The following RNF38 variants were observed in gnomAD, a reference collection of about 807,000 sequenced individuals.
RNF38 encodes E3 ubiquitin-protein ligase RNF38.
A neutral mutation model predicts 67.2 loss-of-function variants in RNF38; 15 were observed. The ratio of observed to expected loss-of-function variants is 0.22; its 90% CI spans 0.15 to 0.34. The LOEUF (loss-of-function observed/expected upper bound fraction) is 0.34, where lower values mean the gene tolerates loss of function less well. RNF38 is among the 10% of genes least tolerant of loss of function. The pLI is 1.00. For synonymous variants in RNF38, 220 were observed against 218.8 expected (o/e 1.01, Z -0.05); for missense variants, 524 against 639.9 (o/e 0.82, Z 1.95).
intron 1 of RNF38, among the ~76,000 whole-genome samples, chr9:36,399,492 TA>T (rs1837824262): frequency 2.6e-5 from 2 of 76,600 alleles, no homozygotes; most frequent in East Asian, 6.7e-4. Flanking sequence ...TAAATATATA[TA>T]ATATATTATA....
At chr9:36,441,189 T>C (rs1487204535) in intron 1 of RNF38, among the ~76,000 whole-genome samples, 1 of 152,104 alleles carries the variant, frequency 6.6e-6, no homozygotes, top group Non-Finnish European at 1.5e-5. Flanking sequence ...AAGGCCTTTG[T>C]CCATCCCAGC....
chr9:36,416,171 T>C (rs1038126397), intron 2 of RNF38, among the ~76,000 whole-genome samples: 2 of 71,910 alleles, frequency 2.8e-5, no homozygotes, highest in Non-Finnish European at 5.2e-5. Context: ...CGGGGCTTGC[T>C]GTGGCCACAG....
intron 2 of RNF38, among the ~76,000 whole-genome samples, chr9:36,386,966 T>TTA (rs1201907340): frequency 6.6e-6 from 1 of 152,008 alleles, no homozygotes. Flanking sequence ...CCACGCCTGG[T>TTA]TAATTTTTGT....
chr9:36,366,630 A>C (rs753598422), intron 4 of RNF38, among the ~76,000 whole-genome samples: 3 of 152,146 alleles, frequency 2.0e-5, no homozygotes, highest in African/African-American at 2.4e-5. Flanking sequence ...TCCTATTCTT[A>C]AACTTTTTTC....
At chr9:36,449,137 G>A (rs1310204611) in intron 1 of RNF38, among the ~76,000 whole-genome samples, 3 of 152,138 alleles carry the variant, frequency 2.0e-5, no homozygotes, top group Non-Finnish European at 4.4e-5. Flanking sequence ...TATTTTTTCT[G>A]TATCACCATT....
At chr9:36,462,859 G>C (rs1057401260) in intron 1 of RNF38, among the ~76,000 whole-genome samples, 1 of 151,956 alleles carries the variant, frequency 6.6e-6, no homozygotes, top group African/African-American at 2.4e-5. Flanking sequence ...ATTTTTAGTA[G>C]ACACGGAGTT....
intron 1 of RNF38, among the ~76,000 whole-genome samples, chr9:36,395,153 C>G (rs1248117951): frequency 2.0e-5 from 3 of 152,148 alleles, no homozygotes; most frequent in African/African-American, 7.2e-5. Flanking sequence ...TTAGGACATC[C>G]TTTGTTTAAT....
chr9:36,356,378 G>T lies in RNF38; in HGVS notation c.834C>A (p.His278Gln). 1 of 1,614,062 alleles carries T rather than the reference G, an allele frequency of 6.2e-7. No homozygotes were observed. The highest frequency in any genetic ancestry group is 8.5e-7 in the Non-Finnish European group (1 of 1,179,980). The change falls in exon 6 of 12, where the codon CAC becomes CAA. Residue 278 changes from histidine (H) to glutamine (Q), a missense_variant. Transcript: ENST00000259605. ...AATGAGGAGGATGATGGGGAGAAAGGTGAGGAGGATGTATAAGAAATGGAT... is the reference window on the plus strand; with the variant it reads ...AATGAGGAGGATGATGGGGAGAAAGTTGAGGAGGATGTATAAGAAATGGAT... Reference protein sequence around the residue: ...SSDPFLIHPPHLSPHHPPHLP... With the variant: ...SSDPFLIHPPQLSPHHPPHLP...
chr9:36,349,834 G>A (rs1012521836), intron 9 of RNF38, among the ~76,000 whole-genome samples: 20 of 152,178 alleles, frequency 1.3e-4, no homozygotes, highest in Non-Finnish European at 5.9e-5. Context: ...TTTTGCAGGT[G>A]GGTATCCAGT....
At chr9:36,402,494 TA>T (rs10560364), upstream of RNF38, among the ~76,000 whole-genome samples, 83,334 of 142,854 alleles carry the variant, frequency 0.58, 23,986 homozygotes, top group Non-Finnish European at 0.64. Context: ...AATCTAAGCT[TA>T]AAAAAAAAAA....
At chr9:36,487,614 G>A (rs564200933), upstream of RNF38, 472 of 976,126 alleles carry the variant, frequency 4.8e-4, no homozygotes, top group African/African-American at 6.9e-3. Context: ...CGCGGCAGGC[G>A]CTGGCTGGGC....
chr9:36,391,873 G>A (rs2244511), intron 1 of RNF38, among the ~76,000 whole-genome samples: 8,332 of 152,176 alleles, frequency 0.055, 709 homozygotes, highest in African/African-American at 0.18. Context: ...TCGGCCTCCC[G>A]AAGTGCTGGG....
Position 36,392,863 on chromosome 9 carries a change from AC to A in RNF38, c.13-2248del, listed in dbSNP as rs1394574900. 2.0e-5 allele frequency among the ~76,000 whole-genome samples: 3 copies of A among 152,316 alleles called. No individual in the cohort carries two copies. The East Asian group carries it at 5.8e-4, about 29-fold the overall frequency. ...TTTGAAACCCAGATGCAAGCAGCCA[AC>A]TGTAACATAATATTTAAAGGCCATA... On this transcript the variant is annotated intron_variant, in intron 1 of 11. Coordinates refer to ENST00000259605, the MANE Select transcript of RNF38 (RefSeq NM_022781.5).
At chr9:36,356,190 G>C in intron 6 of RNF38, 113 bp downstream of exon 6, 1 of 976,304 alleles carries the variant, frequency 1.0e-6, no homozygotes. Context: ...AGTAACTTAG[G>C]CATTCGTCTG....
chr9:36,411,157 CAAAAA>C (rs199916194), intron 2 of RNF38, among the ~76,000 whole-genome samples: 2 of 67,600 alleles, frequency 3.0e-5, no homozygotes, highest in African/African-American at 9.5e-5. Flanking sequence ...AACTGAACAG[CAAAAA>C]AAAAAAAAAA....
rs1308588597 is a variant in RNF38, at chr9:36,423,818, G to A, written n.312+795C>T. Among the ~76,000 whole-genome samples, 5 of 88,808 alleles carry A rather than the reference G, an allele frequency of 5.6e-5. 2 individuals carry two copies. Among genetic ancestry groups the A allele is most frequent in the Non-Finnish European group, 1.1e-4 (4 of 37,464 alleles). The allele number at this position is 88,808 out of a possible 152,430, so 58.3% of individuals were successfully genotyped here. On this transcript the variant is annotated intron_variant and non_coding_transcript_variant, in intron 2 of 3. Coordinates refer to the RNF38 transcript ENST00000488058. ...CAAAAAATTAGCCGGGCGTGGTGGC[G>A]GGCGCCTGTAGTCCCAGCTACTCGG...
intron 1 of RNF38, among the ~76,000 whole-genome samples, chr9:36,486,603 G>C (rs1261750828): frequency 6.6e-6 from 1 of 152,166 alleles, no homozygotes; most frequent in Non-Finnish European, 1.5e-5. Context: ...AATTGGTTTA[G>C]TCAGTGCAGT....
At chr9:36,470,179 T>C (rs891149203) in intron 1 of RNF38, among the ~76,000 whole-genome samples, 1 of 152,068 alleles carries the variant, frequency 6.6e-6, no homozygotes, top group Non-Finnish European at 1.5e-5. Context: ...AAAGCACTGG[T>C]GGGGGTGTCC....
At chr9:36,464,652 A>G (rs1160378324) in intron 1 of RNF38, among the ~76,000 whole-genome samples, 1 of 152,186 alleles carries the variant, frequency 6.6e-6, no homozygotes, top group Non-Finnish European at 1.5e-5. Flanking sequence ...CTGTGAAAAC[A>G]CAAATCCTGG....
Sources: allele counts gnomAD v4.1 joint callset (sites outside exome capture counted in the v4.1 genomes callset), GRCh38; gene constraint gnomAD v4.1.1; transcripts MANE v1.5; gene names NCBI Gene and HGNC (gene_info 2026-07-23, HGNC 2026-07-21).